TRAPPC9: variants seen among roughly 807,000 people sequenced by gnomAD.
The protein encoded by TRAPPC9 is trafficking protein particle complex subunit 9.
Under a neutral mutation model 124.0 loss-of-function variants are expected in TRAPPC9, and 83 were observed. The ratio of observed to expected loss-of-function variants is 0.67; its 90% CI spans 0.56 to 0.80. The LOEUF is 0.80. Among genes scored for constraint, TRAPPC9 ranks in the 30% least tolerant of loss-of-function variants. The pLI is 0.00. For synonymous variants in TRAPPC9, 638 were observed against 617.5 expected (o/e 1.03, Z -0.49); for missense variants, 1,302 against 1,508.3 (o/e 0.86, Z 2.27).
chr8:140,370,821 C>T, intron 8 of TRAPPC9, 143 bp downstream of exon 8: 1 of 864,198 alleles, frequency 1.2e-6, no homozygotes, highest in East Asian at 2.6e-5. Flanking sequence ...TTACAGCAGG[C>T]ACCCAACTCC....
At chr8:140,359,942 C>T (rs1258690516) in intron 9 of TRAPPC9, 108 bp downstream of exon 9, 4 of 1,482,292 alleles carry the variant, frequency 2.7e-6, no homozygotes, top group Non-Finnish European at 3.8e-6. Context: ...AGCTGGGCAG[C>T]ATCTTCCACC....
chr8:140,397,670 T>C lies in TRAPPC9; in HGVS notation c.1084A>G (p.Met362Val). Residue 362 changes from methionine (M) to valine (V), a missense_variant, in exon 7 of 23, where the codon ATG becomes GTG. Coordinates refer to ENST00000438773, the MANE Select transcript of TRAPPC9 (RefSeq NM_001160372.4). ...VRVLAIQKRS[M>V]EASEFLQNAV... is the part of the protein sequence containing the mutation. The stretch of plus-strand genomic sequence containing the variant: ...TTCTGAAGAAATTCTGATGCTTCCA[T>C]GCTCCGTTTCTGAATTGCAAGGACA... 6.2e-7 allele frequency: 1 copy of C among 1,614,236 alleles called. No homozygotes were observed. Among genetic ancestry groups the C allele is most frequent in the Admixed American group, 1.7e-5 (1 of 60,030 alleles).
intron 21 of TRAPPC9, among the ~76,000 whole-genome samples, chr8:139,852,098 G>A (rs1464895325): frequency 1.3e-5 from 2 of 152,196 alleles, no homozygotes; most frequent in Non-Finnish European, 2.9e-5. Flanking sequence ...TACGTCTCAT[G>A]AGATCTGATG....
chr8:139,871,622 T>A (rs977203638), intron 21 of TRAPPC9, among the ~76,000 whole-genome samples: 6 of 152,098 alleles, frequency 3.9e-5, no homozygotes, highest in Non-Finnish European at 8.8e-5. Flanking sequence ...ACTGCAGAAA[T>A]TACCCTTCCA....
At chr8:140,180,111 C>T (rs2131001976) in intron 17 of TRAPPC9, among the ~76,000 whole-genome samples, 1 of 148,578 alleles carries the variant, frequency 6.7e-6, no homozygotes, top group Middle Eastern at 3.5e-3. Context: ...TACCACCTTG[C>T]TATTTCTCCC....
At chr8:140,169,505 G>A (rs1436635803) in intron 17 of TRAPPC9, among the ~76,000 whole-genome samples, 1 of 152,138 alleles carries the variant, frequency 6.6e-6, no homozygotes, top group African/African-American at 2.4e-5. Flanking sequence ...CCCGAAGGTG[G>A]AAACAGCCCA....
intron 16 of TRAPPC9, among the ~76,000 whole-genome samples, chr8:140,251,247 G>T (rs1448979632): frequency 1.3e-5 from 2 of 152,230 alleles, no homozygotes; most frequent in African/African-American, 4.8e-5. Context: ...AGGGGCAGGT[G>T]CTGGGCACCA....
intron 2 of TRAPPC9, among the ~76,000 whole-genome samples, chr8:140,446,840 G>A (rs9772962): frequency 6.6e-6 from 1 of 152,136 alleles, no homozygotes; most frequent in Non-Finnish European, 1.5e-5. Flanking sequence ...CCTGGTGTGG[G>A]TTTTAGAATG....
rs551540954 is a variant in TRAPPC9 at position 140,085,789 on chromosome 8, C to T, written c.2557-61710G>A. 7.9e-5 allele frequency among the ~76,000 whole-genome samples: 12 copies of T among 152,328 alleles called. No homozygotes were observed. In the East Asian group the frequency reaches 1.7e-3, roughly 22 times the overall value. On this transcript the variant is annotated intron_variant, in intron 17 of 22. Coordinates refer to ENST00000438773, the MANE Select transcript of TRAPPC9 (RefSeq NM_001160372.4). ...TGTGGGTAATCGTGTCCCGATCTGG[C>T]GCGTTCCACATGGGGAGCCACAGCC...
chr8:140,040,983 T>C (rs992586533), intron 17 of TRAPPC9: 1 of 152,250 alleles, frequency 6.6e-6, no homozygotes, highest in African/African-American at 2.4e-5. Context: ...CATTTGATGC[T>C]GGCGCTGGCA....
chr8:140,177,247 C>G (rs1048975846), intron 17 of TRAPPC9, among the ~76,000 whole-genome samples: 1 of 152,160 alleles, frequency 6.6e-6, no homozygotes, highest in African/African-American at 2.4e-5. Flanking sequence ...TGAATGTTTT[C>G]TTCTAGAAAC....
At chr8:140,327,907 G>A (rs1296383312) in intron 9 of TRAPPC9, among the ~76,000 whole-genome samples, 3 of 152,090 alleles carry the variant, frequency 2.0e-5, no homozygotes, top group Non-Finnish European at 4.4e-5. Context: ...CAGTTAAAAG[G>A]GTACATTTTG....
intron 19 of TRAPPC9, among the ~76,000 whole-genome samples, chr8:139,941,454 G>A (rs914433844): frequency 6.6e-6 from 1 of 152,216 alleles, no homozygotes; most frequent in African/African-American, 2.4e-5. Flanking sequence ...TGCAAGACTA[G>A]AAGAGTAGGA....
intron 17 of TRAPPC9, among the ~76,000 whole-genome samples, chr8:140,121,680 T>C (rs1337807642): frequency 2.0e-5 from 3 of 152,214 alleles, no homozygotes; most frequent in Non-Finnish European, 4.4e-5. Context: ...GTCTATCCTA[T>C]TGTAAACTCA....
chr8:139,744,483 C>T (rs981726426), intron 21 of TRAPPC9, among the ~76,000 whole-genome samples: 9 of 152,176 alleles, frequency 5.9e-5, no homozygotes, highest in African/African-American at 2.2e-4. Flanking sequence ...GAAGGACTTG[C>T]TCCGTCTCCG....
chr8:140,416,863 A>G (rs1012346248), intron 5 of TRAPPC9, among the ~76,000 whole-genome samples: 2 of 152,232 alleles, frequency 1.3e-5, no homozygotes, highest in African/African-American at 2.4e-5. Context: ...ACTGGTACCA[A>G]AACAGATATA....
At chr8:139,864,452 A>G (rs2130997757) in intron 21 of TRAPPC9, among the ~76,000 whole-genome samples, 1 of 152,330 alleles carries the variant, frequency 6.6e-6, no homozygotes, top group African/African-American at 2.4e-5. Flanking sequence ...TTAGCACGTC[A>G]TATCTTTTGA....
chr8:139,882,129 C>T (rs923513506), intron 21 of TRAPPC9, among the ~76,000 whole-genome samples: 1 of 152,242 alleles, frequency 6.6e-6, no homozygotes, highest in Non-Finnish European at 1.5e-5. Context: ...GAAATATCTG[C>T]ATAAAAGACT....
chr8:140,013,818 A>T (rs933284267), intron 18 of TRAPPC9, among the ~76,000 whole-genome samples: 1 of 152,224 alleles, frequency 6.6e-6, no homozygotes, highest in Non-Finnish European at 1.5e-5. Flanking sequence ...ACACAGTTTT[A>T]CAACCCTGCA....
Sources: allele counts gnomAD v4.1 joint callset (sites outside exome capture counted in the v4.1 genomes callset), GRCh38; gene constraint gnomAD v4.1.1; transcripts MANE v1.5; gene names NCBI Gene and HGNC (gene_info 2026-07-23, HGNC 2026-07-21).